Variants in ABLIM2 observed in about 807,000 individuals in gnomAD.
ABLIM2 encodes actin-binding LIM protein 2.
Under a neutral mutation model 97.7 loss-of-function variants are expected in ABLIM2, and 53 were observed. The ratio of observed to expected loss-of-function variants is 0.54; its 90% CI spans 0.44 to 0.68. The LOEUF (loss-of-function observed/expected upper bound fraction) is 0.68. Among genes scored for constraint, ABLIM2 ranks in the 30% least tolerant of loss-of-function variants. The pLI is 0.00. For synonymous variants in ABLIM2, 361 were observed against 345.8 expected, an observed-to-expected ratio of 1.04 and a Z score of -0.49; for missense variants, 835 against 867.2, an observed-to-expected ratio of 0.96 and a Z score of 0.47.
At chr4:8,057,076 T>C (rs1160149210) in intron 7 of ABLIM2, among the ~76,000 whole-genome samples, 1 of 150,924 alleles carries the variant, frequency 6.6e-6, no homozygotes, top group African/African-American at 2.4e-5. Flanking sequence ...TTCTTTTTTC[T>C]TTCCTTTTCT....
chr4:7,976,634 T>C (rs1265873821), intron 20 of ABLIM2, among the ~76,000 whole-genome samples: 1 of 152,022 alleles, frequency 6.6e-6, no homozygotes, highest in Admixed American at 6.6e-5. Context: ...TGGAATTCAT[T>C]TCCTACCTGC....
Position 8,087,827 on chromosome 4 carries a change from C to A in ABLIM2, c.454+342G>T, listed in dbSNP as rs1456363853. On this transcript the variant is annotated intron_variant, in intron 4 of 20. Coordinates refer to ENST00000447017, the MANE Select transcript of ABLIM2 (RefSeq NM_001130083.2). The surrounding 1 kb of genome is among the most constrained non-coding windows in gnomAD (Gnocchi z 4.6). The stretch of plus-strand genomic sequence containing the variant: ...CATGGGGTGGAGGAAACAGCCAGTG[C>A]AAAGACTTGGCGGCACGAGAGCCCC... Among the ~76,000 whole-genome samples, 1 of 152,050 alleles carries A rather than the reference C, an allele frequency of 6.6e-6. No homozygotes were observed. The highest frequency in any genetic ancestry group is 2.4e-5 in the African/African-American group (1 of 41,364).
At position 8,128,336 on chromosome 4, in the gene ABLIM2, G is replaced by T. The variant is rs1436474639; in HGVS notation, c.11-21699C>A. On this transcript the variant is annotated intron_variant, in intron 1 of 20. Transcript: ENST00000447017. This position sits in a 1 kb window ranked among gnomAD's most constrained non-coding sequence, Gnocchi z 4.9. ...AGGTCACATTCAGAGCTTCCAGGTG[G>T]GTGGGGCCACAAGAAGACGTGTCTC... 6.6e-6 allele frequency among the ~76,000 whole-genome samples: 1 copy of T among 152,136 alleles called. No individual in the cohort carries two copies. The highest frequency in any genetic ancestry group is 1.5e-5 in the Non-Finnish European group (1 of 68,034).
intron 6 of ABLIM2, among the ~76,000 whole-genome samples, chr4:8,063,704 C>A (rs1001394641): frequency 6.6e-6 from 1 of 152,220 alleles, no homozygotes; most frequent in Admixed American, 6.5e-5. Context: ...GGGGTGTGCA[C>A]CCCCTGCTCA....
intron 12 of ABLIM2, 24 bp from the exon 13 acceptor site, chr4:8,020,327 G>A (rs892433173): frequency 6.3e-7 from 1 of 1,590,706 alleles, no homozygotes; most frequent in Non-Finnish European, 8.6e-7. Flanking sequence ...GGCAAAGGCA[G>A]CAGATAGAAG....
At chr4:8,119,324 CT>C (rs71175466) in intron 1 of ABLIM2, among the ~76,000 whole-genome samples, 15,147 of 107,902 alleles carry the variant, frequency 0.14, 737 homozygotes, top group South Asian at 0.26. Flanking sequence ...GGGCTTCCTT[CT>C]TTTTTTTTTT....
intron 9 of ABLIM2, chr4:8,041,418 G>A (rs1579510748): frequency 6.6e-6 from 1 of 152,284 alleles, no homozygotes; most frequent in East Asian, 1.9e-4. Flanking sequence ...TGAGCAGCAG[G>A]GTCTCCTGGA....
rs1453127238 is a variant in ABLIM2, at chr4:8,128,814, AG to A, written c.11-22178del. Among the ~76,000 whole-genome samples, 1 of 152,144 alleles carries A rather than the reference AG, an allele frequency of 6.6e-6. No individual in the cohort carries two copies. The highest frequency in any genetic ancestry group is 6.5e-5 in the Admixed American group (1 of 15,286). On this transcript the variant is annotated intron_variant, in intron 1 of 20. Coordinates refer to ENST00000447017, the MANE Select transcript of ABLIM2 (RefSeq NM_001130083.2). This position sits in a 1 kb window ranked among gnomAD's most constrained non-coding sequence, Gnocchi z 4.9. ...GAGTGCCCTTGTAAGAAGAGGCCAG[AG>A]GCTGCCTCGCTCTTTCTACCACATG...
At chr4:8,096,491 A>T (rs902444939) in intron 3 of ABLIM2, among the ~76,000 whole-genome samples, 2 of 152,188 alleles carry the variant, frequency 1.3e-5, no homozygotes, top group Non-Finnish European at 2.9e-5. Context: ...ACTCCTTGTC[A>T]TCGTCACCTC....
chr4:8,130,801 G>A lies in ABLIM2; in HGVS notation c.11-24164C>T, dbSNP rs1849249634. 6.6e-6 allele frequency among the ~76,000 whole-genome samples: 1 copy of A among 152,188 alleles called. No individual in the cohort carries two copies. Among genetic ancestry groups the A allele is most frequent in the South Asian group, 2.1e-4 (1 of 4,830 alleles). On this transcript the variant is annotated intron_variant, in intron 1 of 20. Transcript: ENST00000447017. The surrounding 1 kb of genome is among the most constrained non-coding windows in gnomAD (Gnocchi z 4.2). ...AGGAATACAAAATCGGTATCACTGG[G>A]CTGATGTCAAGGCAGCCCCAAGGCC...
In ABLIM2 at chr4:8,094,659, G is replaced by A. The variant is rs866548292; in HGVS notation, c.338+2440C>T. On this transcript the variant is annotated intron_variant, in intron 3 of 20. Coordinates refer to ENST00000447017, the MANE Select transcript of ABLIM2 (RefSeq NM_001130083.2). ...ACTACCAGGCCCAGGGTGTGGTGCC[G>A]GGCTGTCTGCCCGTGTATTTCATTT... 8.3e-4 allele frequency among the ~76,000 whole-genome samples: 127 copies of A among 152,286 alleles called. No homozygotes were observed. In the Middle Eastern group the frequency reaches 0.024, roughly 29 times the overall value.
intron 1 of ABLIM2, among the ~76,000 whole-genome samples, chr4:8,116,769 G>A (rs1474785352): frequency 6.6e-6 from 1 of 152,130 alleles, no homozygotes; most frequent in African/African-American, 2.4e-5. Flanking sequence ...AGGTTAGGTG[G>A]CTCATAACAC....
In ABLIM2 at chr4:8,054,099, G is replaced by C. The variant is rs1797596803; in HGVS notation, c.822+89C>G. 3 of 1,463,526 alleles carry C rather than the reference G, an allele frequency of 2.0e-6. No individual in the cohort carries two copies. In the African/African-American group the frequency reaches 4.2e-5, roughly 20 times the overall value. 90.7% of individuals were successfully genotyped at this position (1,463,526 alleles called of 1,614,324 possible). The stretch of plus-strand genomic sequence containing the variant: ...GCCCGTGGGACTGGACAATGAGCCT[G>C]TAGAATCTGGTCAGTGTCCTCTTAA... On this transcript the variant is annotated intron_variant, in intron 8 of 20. Transcript: ENST00000447017. The surrounding 1 kb of genome is among the most constrained non-coding windows in gnomAD (Gnocchi z 4.9).
At chr4:8,007,348 C>G (rs1384937706) in intron 16 of ABLIM2, 1 of 985,344 alleles carries the variant, frequency 1.0e-6, no homozygotes, top group Non-Finnish European at 1.2e-6. Context: ...CTCACACCCC[C>G]ATCCATCCTC....
intron 20 of ABLIM2, among the ~76,000 whole-genome samples, chr4:7,981,897 C>G (rs957961690): frequency 6.8e-6 from 1 of 146,922 alleles, no homozygotes; most frequent in African/African-American, 2.4e-5. Context: ...TAAGGACGTA[C>G]TTCCTATCTG....
At chr4:8,057,550 C>T (rs1421724611) in intron 7 of ABLIM2, among the ~76,000 whole-genome samples, 2 of 152,228 alleles carry the variant, frequency 1.3e-5, no homozygotes, top group Admixed American at 6.5e-5. Context: ...ATTTTCGCCC[C>T]TACTAGCTGC....
At chr4:8,025,170 C>T (rs1045414791) in intron 12 of ABLIM2, among the ~76,000 whole-genome samples, 7 of 152,196 alleles carry the variant, frequency 4.6e-5, no homozygotes, top group Admixed American at 6.5e-5. Context: ...TCAGGTGATC[C>T]GCCCACCTTG....
intron 1 of ABLIM2, among the ~76,000 whole-genome samples, chr4:8,133,576 C>G (rs1849740118): frequency 6.6e-6 from 1 of 152,316 alleles, no homozygotes; most frequent in South Asian, 2.1e-4. Context: ...AGGTTGAGAG[C>G]AAACCCCTGG....
At chr4:8,041,611 A>G (rs1788611147) in intron 9 of ABLIM2, among the ~76,000 whole-genome samples, 1 of 152,064 alleles carries the variant, frequency 6.6e-6, no homozygotes, top group Admixed American at 6.5e-5. Flanking sequence ...TAAAAAAAAA[A>G]AAAAAAAGAG....
Sources: allele counts gnomAD v4.1 joint callset (sites outside exome capture counted in the v4.1 genomes callset), GRCh38; gene constraint gnomAD v4.1.1; non-coding constraint Gnocchi (gnomAD v3.1); transcripts MANE v1.5; gene names NCBI Gene and HGNC (gene_info 2026-07-23, HGNC 2026-07-21).